The following TBXAS1 variants were observed in gnomAD, a reference collection of about 807,000 sequenced individuals.
TBXAS1 encodes thromboxane A synthase 1, also known as thromboxane-A synthase.
Under a neutral mutation model 60.7 loss-of-function variants are expected in TBXAS1, and 48 were observed. The observed-to-expected ratio is 0.79, with a 90% CI of 0.63 to 1.01. TBXAS1 has a LOEUF of 1.01. TBXAS1 is among the 50% of genes least tolerant of loss of function. The probability of loss-of-function intolerance (pLI) is 0.00; values close to 1 mark genes in which losing one functional copy is unlikely to be tolerated. For synonymous variants in TBXAS1, 287 were observed against 269.7 expected, an observed-to-expected ratio of 1.06 and a Z score of -0.63; for missense variants, 685 against 686.3, an observed-to-expected ratio of 1.00 and a Z score of 0.02.
chr7:139,789,777 C>T (rs1797319889), intron 4 of TBXAS1, among the ~76,000 whole-genome samples: 1 of 152,058 alleles, frequency 6.6e-6, no homozygotes, highest in South Asian at 2.1e-4. Flanking sequence ...ATCACAGGTG[C>T]CTGCCACCAC....
At chr7:139,865,047 C>G (rs56847881) in intron 1 of TBXAS1, among the ~76,000 whole-genome samples, 9,244 of 152,232 alleles carry the variant, frequency 0.061, 754 homozygotes, top group African/African-American at 0.19. Flanking sequence ...TATTTTAGGG[C>G]ATAGCCTAGT....
intron 3 of TBXAS1, among the ~76,000 whole-genome samples, chr7:139,890,278 C>T (rs1803483104): frequency 1.5e-5 from 2 of 133,986 alleles, no homozygotes; most frequent in South Asian, 2.5e-4. Flanking sequence ...TGCTGTGGCG[C>T]GATCTCCGCT....
rs1057012355 is a variant in TBXAS1, at chr7:139,896,993, C to T, written c.237-14232C>T. On this transcript the variant is annotated intron_variant, in intron 3 of 12. Transcript: ENST00000448866. The surrounding 1 kb of genome is among the most constrained non-coding windows in gnomAD (Gnocchi z 4.0). Reference sequence around the variant, plus strand: ...GCTTCACTGGGAGCTCCTCAGTGGTCCAGGCGAGAGAGACAGGGCCTGAAG... The same window carrying T: ...GCTTCACTGGGAGCTCCTCAGTGGTTCAGGCGAGAGAGACAGGGCCTGAAG... 3.9e-5 allele frequency among the ~76,000 whole-genome samples: 6 copies of T among 152,090 alleles called. No homozygotes were observed. The highest frequency in any genetic ancestry group is 8.8e-5 in the Non-Finnish European group (6 of 68,014).
chr7:139,874,678 C>T (rs1584738702), intron 2 of TBXAS1, among the ~76,000 whole-genome samples: 1 of 152,094 alleles, frequency 6.6e-6, no homozygotes, highest in Non-Finnish European at 1.5e-5. Flanking sequence ...ACAAATCTAC[C>T]ATTTGCCACC....
intron 5 of TBXAS1, among the ~76,000 whole-genome samples, chr7:139,948,168 A>G (rs931851196): frequency 2.0e-5 from 3 of 152,142 alleles, no homozygotes; most frequent in African/African-American, 7.2e-5. Flanking sequence ...CCAGGCCCAG[A>G]CATGTATTTT....
chr7:140,017,731 C>G lies in TBXAS1; in HGVS notation c.1425C>G (p.Gly475=). 6.2e-7 allele frequency: 1 copy of G among 1,614,016 alleles called. No homozygotes were observed. The highest frequency in any genetic ancestry group is 8.5e-7 in the Non-Finnish European group (1 of 1,179,934). Residue 475 remains glycine, a synonymous_variant, in exon 12 of 13, where the codon GGC becomes GGG. Transcript: ENST00000448866. ...RPFTYLPFGA[G]PRSCLGVRLG... ...TCACGTACCTGCCCTTCGGGGCCGG[C>G]CCACGGAGCTGCCTCGGGGTGCGTC... is the stretch of plus-strand genomic sequence containing the variant.
chr7:139,834,458 C>T (rs1041036315), intron 1 of TBXAS1, among the ~76,000 whole-genome samples: 1 of 151,946 alleles, frequency 6.6e-6, no homozygotes, highest in Non-Finnish European at 1.5e-5. Context: ...AGGAAATAAC[C>T]AAGATCAGAG....
At chr7:139,962,343 C>A in intron 9 of TBXAS1, 110 bp downstream of exon 9, 1 of 1,335,618 alleles carries the variant, frequency 7.5e-7, no homozygotes, top group Non-Finnish European at 1.1e-6. Context: ...ACATTCTAAG[C>A]TTATAAGATG....
At chr7:139,901,340 AAG>A (rs1804556572) in intron 3 of TBXAS1, among the ~76,000 whole-genome samples, 2 of 151,726 alleles carry the variant, frequency 1.3e-5, no homozygotes, top group Non-Finnish European at 3.0e-5. Context: ...AAAAAAAAAA[AAG>A]AAGCAGGAAG....
At chr7:139,861,419 ATTTTTTT>A (rs58163146) in intron 1 of TBXAS1, among the ~76,000 whole-genome samples, 1 of 130,718 alleles carries the variant, frequency 7.7e-6, no homozygotes, top group African/African-American at 2.9e-5. Context: ...TCTTTTTAGA[ATTTTTTT>A]TTTTTTTTTT....
chr7:139,978,367 G>A (rs887206531), intron 9 of TBXAS1, among the ~76,000 whole-genome samples: 7 of 151,848 alleles, frequency 4.6e-5, no homozygotes, highest in Admixed American at 6.5e-5. Context: ...ACAATTAGCC[G>A]GGCATGGTGG....
rs1196568431 is a variant in TBXAS1 at position 140,013,890 on chromosome 7, C to T, written c.1227-1833C>T. Among the ~76,000 whole-genome samples the T allele has an allele frequency of 3.3e-5, 5 of 152,242 alleles. No individual in the cohort carries two copies. Among genetic ancestry groups the T allele is most frequent in the Non-Finnish European group, 5.9e-5 (4 of 68,046 alleles). On this transcript the variant is annotated intron_variant, in intron 10 of 12. Transcript: ENST00000448866. The surrounding 1 kb of genome is among the most constrained non-coding windows in gnomAD (Gnocchi z 4.2). ...GCATCGCAAGTCACTGCCCATCTTC[C>T]TGGCTTCTGATCTGCTGCCGTCCCC...
intron 1 of TBXAS1, among the ~76,000 whole-genome samples, chr7:139,843,289 C>T (rs534517380): frequency 2.7e-4 from 41 of 152,094 alleles, no homozygotes; most frequent in Non-Finnish European, 4.4e-4. Flanking sequence ...TGCTTCCTAT[C>T]TCTCTGGCTA....
At chr7:139,824,006 C>T (rs1411453816) in intron 4 of TBXAS1, among the ~76,000 whole-genome samples, 6 of 152,192 alleles carry the variant, frequency 3.9e-5, no homozygotes, top group African/African-American at 9.7e-5. Flanking sequence ...TTGCCAGAGA[C>T]GTCAGGCTTA....
intron 3 of TBXAS1, among the ~76,000 whole-genome samples, chr7:139,890,381 A>G (rs1803497719): frequency 6.6e-6 from 1 of 151,822 alleles, no homozygotes; most frequent in Non-Finnish European, 1.5e-5. Flanking sequence ...GCGCCCGGCT[A>G]ATTTTTTGTA....
chr7:139,793,538 G>A (rs898854137), intron 4 of TBXAS1, among the ~76,000 whole-genome samples: 3 of 152,112 alleles, frequency 2.0e-5, no homozygotes, highest in African/African-American at 4.8e-5. Context: ...AACAAACAAG[G>A]GAGTGTAGTT....
intron 1 of TBXAS1, among the ~76,000 whole-genome samples, chr7:139,843,796 A>C (rs556398606): frequency 6.6e-6 from 1 of 152,340 alleles, no homozygotes; most frequent in African/African-American, 2.4e-5. Context: ...GGTAACCGAG[A>C]TAGCAGCACT....
chr7:139,860,050 G>A (rs1343844880), intron 1 of TBXAS1, among the ~76,000 whole-genome samples: 1 of 152,158 alleles, frequency 6.6e-6, no homozygotes, highest in Non-Finnish European at 1.5e-5. Flanking sequence ...GAGGCATGAG[G>A]CTTGAACCTG....
At chr7:139,827,068 C>T (rs1007227791), upstream of TBXAS1, among the ~76,000 whole-genome samples, 2 of 152,168 alleles carry the variant, frequency 1.3e-5, no homozygotes, top group African/African-American at 4.8e-5. Flanking sequence ...AAATATATTT[C>T]AAGTCCATCT....
Sources: allele counts gnomAD v4.1 joint callset (sites outside exome capture counted in the v4.1 genomes callset), GRCh38; gene constraint gnomAD v4.1.1; non-coding constraint Gnocchi (gnomAD v3.1); transcripts MANE v1.5; gene names NCBI Gene and HGNC (gene_info 2026-07-23, HGNC 2026-07-21).